The following SEMA3F variants were observed in gnomAD, a reference collection of about 807,000 sequenced individuals.
SEMA3F encodes semaphorin 3F.
SEMA3F carries 30 observed loss-of-function variants against 98.5 expected under a neutral mutation model. The observed-to-expected ratio is 0.30, with a 90% CI of 0.23 to 0.41. SEMA3F has a LOEUF of 0.41. SEMA3F is among the 10% of genes least tolerant of loss of function. The pLI is 1.00. For synonymous variants in SEMA3F, 380 were observed against 444.8 expected, an observed-to-expected ratio of 0.85 and a Z score of 1.83; for missense variants, 866 against 1,119.3, an observed-to-expected ratio of 0.77 and a Z score of 3.23.
At chr3:50,184,856 C>A in intron 13 of SEMA3F, 42 bp downstream of exon 13, 1 of 1,492,932 alleles carries the variant, frequency 6.7e-7, no homozygotes, top group Non-Finnish European at 9.2e-7. Flanking sequence ...CTGGGCCCAC[C>A]GGGTGCGGGG....
chr3:50,179,481 A>G (rs1698944653), intron 7 of SEMA3F, among the ~76,000 whole-genome samples: 1 of 152,108 alleles, frequency 6.6e-6, no homozygotes, highest in Admixed American at 6.5e-5. Flanking sequence ...GCATGCCACC[A>G]TGCCCGGCTA....
At chr3:50,161,475 AC>A (rs1176845954) in intron 2 of SEMA3F, among the ~76,000 whole-genome samples, 2 of 152,188 alleles carry the variant, frequency 1.3e-5, no homozygotes, top group Admixed American at 6.5e-5. Flanking sequence ...TGAAGCCGAC[AC>A]CCGCAGTGAC....
chr3:50,186,846 CCCCTTCCAAGCT>C (rs1699241957), intron 18 of SEMA3F, 100 bp downstream of exon 18: 1 of 1,256,824 alleles, frequency 8.0e-7, no homozygotes, highest in Non-Finnish European at 1.1e-6. Context: ...TGCTGTGAAA[CCCCTTCCAAGCT>C]CCCTTCCCTA....
At chr3:50,179,115 G>A (rs1401757367) in intron 7 of SEMA3F, among the ~76,000 whole-genome samples, 2 of 151,942 alleles carry the variant, frequency 1.3e-5, no homozygotes, top group Non-Finnish European at 2.9e-5. Context: ...GAGCCACCAC[G>A]CCCACCCCTA....
At chr3:50,180,258 G>A (rs182318712) in intron 7 of SEMA3F, among the ~76,000 whole-genome samples, 74 of 151,944 alleles carry the variant, frequency 4.9e-4, no homozygotes, top group African/African-American at 1.0e-3. Flanking sequence ...CCTGCTCCCC[G>A]GTTCAAGTGA....
chr3:50,155,168 C>A, upstream of SEMA3F: 1 of 348,484 alleles, frequency 2.9e-6, no homozygotes, highest in Non-Finnish European at 5.2e-6. This position sits in a 1 kb window ranked among gnomAD's most constrained non-coding sequence, Gnocchi z 4.9. Context: ...AGGAACCGTG[C>A]AGCCCAGCGC....
rs1270665635 is a variant in SEMA3F, at chr3:50,175,172, C to A, written c.533C>A (p.Pro178His). Residue 178 changes from proline to histidine, a missense_variant, in exon 6 of 19, where the codon CCC becomes CAC. Pro to His is a moderately conservative substitution (Grantham distance 77). Coordinates refer to ENST00000002829, the MANE Select transcript of SEMA3F (RefSeq NM_004186.5). ...ACGGATGGTGCCCTCCGCCCGATGC[C>A]CACAGCCCCACGCCAGGTGGGCCTC... is the stretch of plus-strand genomic sequence containing the variant. ...RATDGALRPMPTAPRQDYIFY... is the reference protein window; with the variant it reads ...RATDGALRPMHTAPRQDYIFY... The A allele has an allele frequency of 1.2e-6, 2 of 1,600,020 alleles. No homozygotes were observed. Among genetic ancestry groups the A allele is most frequent in the African/African-American group, 2.7e-5 (2 of 74,784 alleles).
At position 50,188,826 on chromosome 3, in the gene SEMA3F, G is replaced by T. The variant is rs1323566139; in HGVS notation, c.*711G>T. On this transcript the variant is annotated 3_prime_UTR_variant, in exon 19 of 19. Transcript: ENST00000002829. The surrounding 1 kb of genome is among the most constrained non-coding windows in gnomAD (Gnocchi z 4.5). The stretch of plus-strand genomic sequence containing the variant: ...CTCAGAGGCTGGGAGCATAGCAGAG[G>T]GGCCAGGCCCAGGCAGAGCTGACGG... 1 of 152,660 alleles carries T rather than the reference G, an allele frequency of 6.6e-6. No homozygotes were observed. Among genetic ancestry groups the T allele is most frequent in the African/African-American group, 2.4e-5 (1 of 41,448 alleles). The allele number at this position is 152,660 out of a possible 1,614,324, so 9.5% of individuals were successfully genotyped here.
rs1396162830 is a variant in SEMA3F at position 50,188,575 on chromosome 3, CAG to C, written c.*464_*465del. The C allele has an allele frequency of 6.6e-6, 1 of 152,546 alleles. No homozygotes were observed. Among genetic ancestry groups the C allele is most frequent in the Non-Finnish European group, 1.5e-5 (1 of 68,104 alleles). 9.4% of individuals were successfully genotyped at this position (152,546 alleles called of 1,614,324 possible). ...AGACTGGGGTGGCCTCAAGAGCACA[CAG>C]AGAAGGGAAGAAGGGGCCATCACAG... is the stretch of plus-strand genomic sequence containing the variant. On this transcript the variant is annotated 3_prime_UTR_variant, in exon 19 of 19. Coordinates refer to ENST00000002829, the MANE Select transcript of SEMA3F (RefSeq NM_004186.5). The surrounding 1 kb of genome is among the most constrained non-coding windows in gnomAD (Gnocchi z 4.5).
Position 50,166,750 on chromosome 3 carries a change from C to T in SEMA3F, c.112+7016C>T, listed in dbSNP as rs1698421016. Among the ~76,000 whole-genome samples the T allele has an allele frequency of 2.0e-5, 3 of 152,204 alleles. No individual in the cohort carries two copies. Among genetic ancestry groups the T allele is most frequent in the African/African-American group, 7.2e-5 (3 of 41,446 alleles). ...AGGGGAGGGGGAGGGTTTTGACACC[C>T]ACCAGCCTGTTGGTCCCATCTTGGC... is the stretch of plus-strand genomic sequence containing the variant. On this transcript the variant is annotated intron_variant, in intron 2 of 18. Transcript: ENST00000002829. This position sits in a 1 kb window ranked among gnomAD's most constrained non-coding sequence, Gnocchi z 4.7.
chr3:50,168,069 G>A (rs756794290), intron 2 of SEMA3F, among the ~76,000 whole-genome samples: 6 of 152,214 alleles, frequency 3.9e-5, no homozygotes, highest in African/African-American at 9.7e-5. Context: ...GGTGAGAGTG[G>A]CTGTAATTGG....
chr3:50,175,163 G>A lies in SEMA3F; in HGVS notation c.524G>A (p.Arg175His), dbSNP rs138949381. The stretch of plus-strand genomic sequence containing the variant: ...AGCAGAGCCACGGATGGTGCCCTCC[G>A]CCCGATGCCCACAGCCCCACGCCAG... The part of the protein sequence containing the change: ...RGSRATDGAL[R>H]PMPTAPRQDY... Residue 175 changes from arginine to histidine, a missense_variant, in exon 6 of 19, where the codon CGC becomes CAC. This residue lies in a region of SEMA3F where 247 missense variants were observed against 276.0 expected (regional missense o/e 0.89). Transcript: ENST00000002829. 6.7e-5 allele frequency: 108 copies of A among 1,605,108 alleles called. No individual in the cohort carries two copies. Among genetic ancestry groups the A allele is most frequent in the Middle Eastern group, 1.7e-4 (1 of 6,040 alleles).
rs1698396181 is a variant in SEMA3F, at chr3:50,166,166, C to G, written c.112+6432C>G. ...TTTGCCACCCCTCTTGGCTTCCTAC[C>G]CGGACATGCTCTTTCCTCGGACGTC... On this transcript the variant is annotated intron_variant, in intron 2 of 18. Coordinates refer to ENST00000002829, the MANE Select transcript of SEMA3F (RefSeq NM_004186.5). The surrounding 1 kb of genome is among the most constrained non-coding windows in gnomAD (Gnocchi z 4.7). 1.3e-5 allele frequency among the ~76,000 whole-genome samples: 2 copies of G among 151,928 alleles called. No individual in the cohort carries two copies. Among genetic ancestry groups the G allele is most frequent in the African/African-American group, 2.4e-5 (1 of 41,334 alleles).
chr3:50,161,081 C>T (rs1372325889), intron 2 of SEMA3F, among the ~76,000 whole-genome samples: 1 of 152,134 alleles, frequency 6.6e-6, no homozygotes, highest in Non-Finnish European at 1.5e-5. Context: ...CTTGAAGGGG[C>T]CAGTTCCCCC....
intron 7 of SEMA3F, among the ~76,000 whole-genome samples, chr3:50,181,320 T>TA (rs1474856476): frequency 6.6e-5 from 10 of 151,872 alleles, no homozygotes; most frequent in Non-Finnish European, 1.3e-4. Flanking sequence ...TTTTTTTTTT[T>TA]ATTTTTGTTC....
rs1452475804 is a variant in SEMA3F at position 50,182,931 on chromosome 3, G to T, written c.931G>T (p.Val311Phe). ...LNDDGGHCCL[V>F]NKWSTFLKAR... ...CGATGACGGTGGTCACTGTTGCCTG[G>T]TCAACAAGTGGAGCACATTCCTGAA... Residue 311 changes from valine to phenylalanine, a missense_variant, in exon 10 of 19, where the codon GTC becomes TTC. Coordinates refer to ENST00000002829, the MANE Select transcript of SEMA3F (RefSeq NM_004186.5). This position sits in a 1 kb window ranked among gnomAD's most constrained non-coding sequence, Gnocchi z 4.5. 1.2e-6 allele frequency: 2 copies of T among 1,613,872 alleles called. No homozygotes were observed. The highest frequency in any genetic ancestry group is 1.3e-5 in the African/African-American group (1 of 74,944).
At chr3:50,184,443 G>T (rs984186313) in intron 12 of SEMA3F, 149 bp from the exon 13 acceptor site, 2 of 654,228 alleles carry the variant, frequency 3.1e-6, no homozygotes, top group Middle Eastern at 3.8e-4. Flanking sequence ...TAGAGGTCAG[G>T]TGCAGGGCAG....
chr3:50,183,415 C>G lies in SEMA3F; in HGVS notation c.1089-5C>G. ...CCTGCTCAGCAGCGCCTGCCATGCC[C>G]ACAGCTCCGTGTTCCGAGGCTCTGC... On this transcript the variant is annotated splice_region_variant and splice_polypyrimidine_tract_variant and intron_variant, in intron 11 of 18. Transcript: ENST00000002829. 6.2e-7 allele frequency: 1 copy of G among 1,613,910 alleles called. No individual in the cohort carries two copies. Among genetic ancestry groups the G allele is most frequent in the Non-Finnish European group, 8.5e-7 (1 of 1,179,966 alleles).
intron 2 of SEMA3F, among the ~76,000 whole-genome samples, chr3:50,170,057 C>T (rs2109078403): frequency 6.6e-6 from 1 of 152,294 alleles, no homozygotes; most frequent in Middle Eastern, 3.4e-3. Flanking sequence ...CTTTGGGCCT[C>T]AGTCTTCCTG....
Sources: gnomAD v4.1 joint callset for allele counts (sites outside exome capture counted in the v4.1 genomes callset) on GRCh38, gnomAD v4.1.1 for gene constraint, gnomAD v4.1.1 regional missense constraint, Gnocchi (gnomAD v3.1) non-coding constraint, MANE v1.5 for transcripts, NCBI Gene and HGNC (gene_info 2026-07-23, HGNC 2026-07-21) for gene names.